Variants in MYCBP2 observed in about 807,000 individuals in gnomAD.
MYCBP2 encodes E3 ubiquitin-protein ligase MYCBP2.
A neutral mutation model predicts 525.3 loss-of-function variants in MYCBP2; 120 were observed. That is an observed-to-expected ratio of 0.23 (90% CI 0.20 to 0.27). The LOEUF is 0.27. Ranked by LOEUF, MYCBP2 falls within the 10% of genes least tolerant of loss-of-function variation. The probability of loss-of-function intolerance (pLI) is 1.00; values close to 1 mark genes in which losing one functional copy is unlikely to be tolerated. For synonymous variants in MYCBP2, 1,894 were observed against 1,955.8 expected, an observed-to-expected ratio of 0.97 and a Z score of 0.83; for missense variants, 4,149 against 5,657.1, an observed-to-expected ratio of 0.73 and a Z score of 8.55.
At chr13:77,265,165 C>A (rs2073901185) in intron 8 of MYCBP2, among the ~76,000 whole-genome samples, 1 of 151,976 alleles carries the variant, frequency 6.6e-6, no homozygotes, top group South Asian at 2.1e-4. Context: ...GAAATAGAAA[C>A]TGGGAGACAA....
At chr13:77,306,784 A>G (rs2079478547) in intron 1 of MYCBP2, among the ~76,000 whole-genome samples, 1 of 152,210 alleles carries the variant, frequency 6.6e-6, no homozygotes, top group Non-Finnish European at 1.5e-5. Context: ...GAGCAAGCAA[A>G]TAACTAAGAA....
intron 58 of MYCBP2, among the ~76,000 whole-genome samples, chr13:77,094,952 G>A (rs2046009540): frequency 6.6e-6 from 1 of 152,112 alleles, no homozygotes; most frequent in Admixed American, 6.6e-5. Flanking sequence ...CCTAGCACAA[G>A]GCTGGTAGGT....
intron 54 of MYCBP2, 134 bp downstream of exon 54, chr13:77,125,202 T>C: frequency 1.8e-6 from 2 of 1,128,222 alleles, no homozygotes; most frequent in South Asian, 3.2e-5. Flanking sequence ...GTTGCAAGAT[T>C]TTTTAACTTT....
intron 18 of MYCBP2, among the ~76,000 whole-genome samples, chr13:77,232,031 TC>T (rs2067200774): frequency 2.0e-5 from 3 of 152,228 alleles, no homozygotes; most frequent in Admixed American, 1.3e-4. Context: ...TATTTTTATT[TC>T]TGCAGAGTAT....
chr13:77,242,619 C>T (rs2069061823), intron 17 of MYCBP2, among the ~76,000 whole-genome samples: 1 of 152,170 alleles, frequency 6.6e-6, no homozygotes, highest in East Asian at 1.9e-4. Flanking sequence ...GGACTATGTC[C>T]AAATGATAAT....
At chr13:77,138,010 C>T (rs1453162095) in intron 52 of MYCBP2, among the ~76,000 whole-genome samples, 1 of 152,054 alleles carries the variant, frequency 6.6e-6, no homozygotes, top group African/African-American at 2.4e-5. Flanking sequence ...CATAGAGGGT[C>T]AAAATCCTTT....
chr13:77,141,674 A>G (rs907820785), intron 49 of MYCBP2, among the ~76,000 whole-genome samples: 1 of 151,696 alleles, frequency 6.6e-6, no homozygotes, highest in African/African-American at 2.4e-5. Context: ...AGGAAGCTGA[A>G]GCATGAGAAT....
chr13:77,123,553 A>C (rs1020897139), intron 54 of MYCBP2, among the ~76,000 whole-genome samples: 1 of 152,220 alleles, frequency 6.6e-6, no homozygotes, highest in Admixed American at 6.5e-5. Context: ...TTTAGTCTTC[A>C]TATCAAATTT....
At position 77,205,283 on chromosome 13, in the gene MYCBP2, A is replaced by G. The variant is rs749968939; in HGVS notation, c.3816T>C (p.Gly1272=). The G allele has an allele frequency of 1.9e-6, 3 of 1,612,396 alleles. No individual in the cohort carries two copies. In the South Asian group the frequency reaches 3.3e-5, roughly 18 times the overall value. The change falls in exon 26 of 83, where the codon GGT becomes GGC. Residue 1272 remains glycine (G), a synonymous_variant. Coordinates refer to ENST00000544440, the MANE Select transcript of MYCBP2 (RefSeq NM_015057.5). ...TAATTTTAGCAGTATATTCTCCTCT[A>G]CCTCCAAACAGACCAAGACCACCAA... ...ILLGGLGLFG[G]RGEYTAKIKL...
chr13:77,183,913 G>A (rs2060492420), intron 32 of MYCBP2, among the ~76,000 whole-genome samples: 1 of 151,938 alleles, frequency 6.6e-6, no homozygotes, highest in Admixed American at 6.6e-5. Context: ...TCCCAGTCAG[G>A]TTTGCTAGGA....
At chr13:77,295,078 A>G (rs551877707) in intron 2 of MYCBP2, among the ~76,000 whole-genome samples, 13 of 152,206 alleles carry the variant, frequency 8.5e-5, no homozygotes, top group Non-Finnish European at 1.0e-4. Context: ...ACAGGTAATA[A>G]GTCCACACAC....
chr13:77,254,112 A>AG (rs1339963461), intron 14 of MYCBP2, among the ~76,000 whole-genome samples: 1 of 151,926 alleles, frequency 6.6e-6, no homozygotes, highest in East Asian at 1.9e-4. Context: ...CAGAATGATG[A>AG]GAAAAAAAAA....
chr13:77,088,779 A>G, intron 61 of MYCBP2, 53 bp downstream of exon 61: 1 of 1,472,850 alleles, frequency 6.8e-7, no homozygotes, highest in Non-Finnish European at 9.4e-7. Context: ...AAATAGAATC[A>G]TCACATGATT....
chr13:77,052,269 G>A (rs2036976559), intron 80 of MYCBP2, among the ~76,000 whole-genome samples: 1 of 152,080 alleles, frequency 6.6e-6, no homozygotes, highest in Non-Finnish European at 1.5e-5. Flanking sequence ...CGCAATCATG[G>A]CTCCCGACAG....
chr13:77,186,030 A>C lies in MYCBP2; in HGVS notation c.4285T>G (p.Trp1429Gly). 1 of 1,606,750 alleles carries C rather than the reference A, an allele frequency of 6.2e-7. No individual in the cohort carries two copies. Among genetic ancestry groups the C allele is most frequent in the Non-Finnish European group, 8.5e-7 (1 of 1,177,892 alleles). Residue 1429 changes from tryptophan to glycine, a missense_variant, in exon 31 of 83, where the codon TGG becomes GGG. Coordinates refer to ENST00000544440, the MANE Select transcript of MYCBP2 (RefSeq NM_015057.5). ...CFESLLSILHWSWTTLVLGVE... is the reference protein window; with the variant it reads ...CFESLLSILHGSWTTLVLGVE... ...CCTAAGACTAAGGTGGTCCAGCTCC[A>C]GTGAAGAATACTCAACAATGACTCA...
intron 52 of MYCBP2, among the ~76,000 whole-genome samples, chr13:77,137,135 C>T (rs549646855): frequency 6.6e-6 from 1 of 152,276 alleles, no homozygotes; most frequent in East Asian, 1.9e-4. Flanking sequence ...GCTCCTCTAA[C>T]CTTTGTTACT....
intron 13 of MYCBP2, 106 bp downstream of exon 13, chr13:77,260,322 T>G (rs2073045930): frequency 1.3e-6 from 1 of 757,978 alleles, no homozygotes; most frequent in African/African-American, 1.9e-5. Flanking sequence ...ATGTAAAAAA[T>G]GTAGAGAAAG....
intron 1 of MYCBP2, among the ~76,000 whole-genome samples, chr13:77,319,113 T>C (rs903928581): frequency 6.6e-6 from 1 of 152,082 alleles, no homozygotes; most frequent in African/African-American, 2.4e-5. Context: ...TGGGAACGTG[T>C]GTGTGTGTGT....
intron 44 of MYCBP2, among the ~76,000 whole-genome samples, chr13:77,160,065 CT>C (rs34051925): frequency 0.035 from 4,750 of 136,166 alleles, 192 homozygotes; most frequent in African/African-American, 0.11. Flanking sequence ...AAATCACAAA[CT>C]TTTTTTTTTT....
Sources: gnomAD v4.1 joint callset for allele counts (sites outside exome capture counted in the v4.1 genomes callset) on GRCh38, gnomAD v4.1.1 for gene constraint, MANE v1.5 for transcripts, NCBI Gene and HGNC (gene_info 2026-07-23, HGNC 2026-07-21) for gene names.